The following DENND5B variants were observed in gnomAD, a reference collection of about 807,000 sequenced individuals.
The protein encoded by DENND5B is DENN domain-containing protein 5B.
Under a neutral mutation model 140.6 loss-of-function variants are expected in DENND5B, and 34 were observed. That is an observed-to-expected ratio of 0.24 (90% CI 0.18 to 0.32). The LOEUF (loss-of-function observed/expected upper bound fraction) is 0.32. Among genes scored for constraint, DENND5B ranks in the 10% least tolerant of loss-of-function variants. The pLI is 1.00. For synonymous variants in DENND5B, 551 were observed against 562.1 expected, an observed-to-expected ratio of 0.98 and a Z score of 0.28; for missense variants, 1,142 against 1,560.2, an observed-to-expected ratio of 0.73 and a Z score of 4.52.
intron 2 of DENND5B, among the ~76,000 whole-genome samples, chr12:31,483,039 C>G (rs569344089): frequency 4.6e-5 from 7 of 152,244 alleles, no homozygotes; most frequent in Non-Finnish European, 8.8e-5. Context: ...GTTCTATGAA[C>G]ACACCCCGCG....
At position 31,402,594 on chromosome 12, in the gene DENND5B, T is replaced by A. The variant is rs1376578721; in HGVS notation, c.2853A>T (p.Ala951=). 6.2e-7 allele frequency: 1 copy of A among 1,613,738 alleles called. No individual in the cohort carries two copies. The highest frequency in any genetic ancestry group is 1.7e-5 in the Admixed American group (1 of 59,988). The change falls in exon 15 of 21, where the codon GCA becomes GCT. Residue 951 remains alanine, a synonymous_variant. Coordinates refer to ENST00000389082, the MANE Select transcript of DENND5B (RefSeq NM_144973.4). Reference sequence around the variant, plus strand: ...AGATCCAAGGGTTTGATGTGATTATTGCATTGCTCAGCTTTTTGATTGGGA... The same window carrying A: ...AGATCCAAGGGTTTGATGTGATTATAGCATTGCTCAGCTTTTTGATTGGGA... ...VIIPIKKLSN[A]IITSNPWICV... is the part of the protein sequence containing the mutation.
chr12:31,451,775 A>C (rs1474974066), intron 5 of DENND5B, 165 bp downstream of exon 5: 2 of 750,972 alleles, frequency 2.7e-6, no homozygotes, highest in Admixed American at 3.3e-5. Flanking sequence ...GGTAAAGAAA[A>C]GTTCTTAATG....
Position 31,500,031 on chromosome 12 carries a change from A to C in DENND5B, c.128-4112T>G, listed in dbSNP as rs182748442. 2.5e-3 allele frequency among the ~76,000 whole-genome samples: 376 copies of C among 152,302 alleles called. 2 individuals are homozygous for C. The highest frequency in any genetic ancestry group is 4.1e-3 in the Non-Finnish European group (281 of 68,022). ...TACAAGTTGAGTATCCCTTATCCAA[A>C]ATGCTTAGGACCAAGAAGGGTTTTG... On this transcript the variant is annotated intron_variant, in intron 1 of 20. Transcript: ENST00000389082.
intron 8 of DENND5B, among the ~76,000 whole-genome samples, chr12:31,428,138 G>C (rs1379458414): frequency 6.6e-6 from 1 of 152,032 alleles, no homozygotes; most frequent in Non-Finnish European, 1.5e-5. Context: ...GTTTGAAGCA[G>C]AGGCCAGGCA....
chr12:31,398,027 T>C (rs1242889968), intron 17 of DENND5B, 148 bp downstream of exon 17: 1 of 817,676 alleles, frequency 1.2e-6, no homozygotes, highest in Non-Finnish European at 1.8e-6. Context: ...ATCTAAACTC[T>C]TCCGGCTTTT....
At chr12:31,511,831 T>G (rs946507651) in intron 1 of DENND5B, among the ~76,000 whole-genome samples, 1 of 151,968 alleles carries the variant, frequency 6.6e-6, no homozygotes, top group African/African-American at 2.4e-5. Context: ...ATTTAAAATA[T>G]TGGTAGCTTT....
chr12:31,417,845 C>T (rs1383859010), intron 11 of DENND5B, among the ~76,000 whole-genome samples: 1 of 152,098 alleles, frequency 6.6e-6, no homozygotes, highest in East Asian at 1.9e-4. Flanking sequence ...ATAAGTAGAA[C>T]TTAGAATGTG....
At chr12:31,464,175 G>A (rs1432386486) in intron 3 of DENND5B, among the ~76,000 whole-genome samples, 1 of 152,166 alleles carries the variant, frequency 6.6e-6, no homozygotes, top group Non-Finnish European at 1.5e-5. Flanking sequence ...CAAGGCACAT[G>A]AGGCTCTTCA....
chr12:31,430,884 A>G (rs1943480268), intron 8 of DENND5B, among the ~76,000 whole-genome samples: 1 of 152,186 alleles, frequency 6.6e-6, no homozygotes, highest in Non-Finnish European at 1.5e-5. Context: ...TTCCATGGAC[A>G]TGCACAGAAA....
At chr12:31,433,285 T>C in intron 7 of DENND5B, 37 bp from the exon 8 acceptor site, 1 of 1,574,242 alleles carries the variant, frequency 6.4e-7, no homozygotes, top group Non-Finnish European at 8.7e-7. Flanking sequence ...GTGTTCCTTA[T>C]CTTTAAAATA....
At chr12:31,489,788 G>A (rs894815667) in intron 2 of DENND5B, among the ~76,000 whole-genome samples, 1 of 152,190 alleles carries the variant, frequency 6.6e-6, no homozygotes, top group Admixed American at 6.5e-5. Flanking sequence ...AAGGTGACCT[G>A]AGTGCTGGGA....
chr12:31,398,144 G>A (rs367928196), intron 17 of DENND5B, 31 bp downstream of exon 17: 1 of 1,546,304 alleles, frequency 6.5e-7, no homozygotes, highest in Non-Finnish European at 8.7e-7. Context: ...TACATCATAG[G>A]AGCACATAAG....
intron 2 of DENND5B, among the ~76,000 whole-genome samples, chr12:31,491,215 G>C (rs60762883): frequency 1.3e-5 from 2 of 152,240 alleles, no homozygotes; most frequent in African/African-American, 4.8e-5. Context: ...GGCTCACAGA[G>C]GTCGAGGCGG....
chr12:31,446,764 G>T (rs1473554625), intron 6 of DENND5B, among the ~76,000 whole-genome samples: 1 of 151,760 alleles, frequency 6.6e-6, no homozygotes, highest in African/African-American at 2.4e-5. Flanking sequence ...GTGTGGTGGT[G>T]GGCGCCTATA....
At chr12:31,426,100 A>AT (rs1158213644) in intron 9 of DENND5B, among the ~76,000 whole-genome samples, 193 bp downstream of exon 9, 6 of 152,208 alleles carry the variant, frequency 3.9e-5, no homozygotes, top group Non-Finnish European at 8.8e-5. Context: ...CTCTCATGTC[A>AT]TTGATTCTGT....
At chr12:31,413,814 CTCTT>C (rs1268441736) in intron 12 of DENND5B, among the ~76,000 whole-genome samples, 1 of 152,210 alleles carries the variant, frequency 6.6e-6, no homozygotes, top group Non-Finnish European at 1.5e-5. Flanking sequence ...CACTTATTCA[CTCTT>C]TCAGGCTTTA....
intron 1 of DENND5B, among the ~76,000 whole-genome samples, chr12:31,521,228 G>GT (rs1245408385): frequency 2.0e-5 from 3 of 151,820 alleles, no homozygotes; most frequent in African/African-American, 7.3e-5. Flanking sequence ...GTTATATATA[G>GT]TAAGTTCAGA....
intron 15 of DENND5B, among the ~76,000 whole-genome samples, chr12:31,400,104 G>A (rs708212): frequency 0.18 from 28,124 of 152,128 alleles, 2,913 homozygotes; most frequent in Non-Finnish European, 0.25. Flanking sequence ...ACAGTGACTT[G>A]TGCCTTGAAG....
chr12:31,486,546 A>G (rs1591899518), intron 2 of DENND5B, among the ~76,000 whole-genome samples: 1 of 152,218 alleles, frequency 6.6e-6, no homozygotes, highest in African/African-American at 2.4e-5. Context: ...CCACTTATGC[A>G]CTGTCTATGG....
Sources: gnomAD v4.1 joint callset for allele counts (sites outside exome capture counted in the v4.1 genomes callset) on GRCh38, gnomAD v4.1.1 for gene constraint, MANE v1.5 for transcripts, NCBI Gene and HGNC (gene_info 2026-07-23, HGNC 2026-07-21) for gene names.